Variants in LRRTM3 observed in about 807,000 individuals in gnomAD.
The protein encoded by LRRTM3 is leucine-rich repeat transmembrane neuronal protein 3.
In LRRTM3, 24 loss-of-function variants were observed where a neutral mutation model predicts 44.7. The observed-to-expected ratio is 0.54, with a 90% CI of 0.39 to 0.76. The LOEUF (loss-of-function observed/expected upper bound fraction) is 0.76. LRRTM3 is among the 30% of genes least tolerant of loss of function. The pLI, the probability that LRRTM3 is intolerant of heterozygous loss-of-function variation, is 0.00. For missense variants in LRRTM3, 587 were observed against 702.2 expected (o/e 0.84, Z 1.85); for synonymous variants, 277 against 278.7 (o/e 0.99, Z 0.06).
intron 2 of LRRTM3, among the ~76,000 whole-genome samples, chr10:66,930,370 A>G (rs1274629830): frequency 6.6e-6 from 1 of 152,196 alleles, no homozygotes; most frequent in Non-Finnish European, 1.5e-5. Context: ...AGCTTACTGG[A>G]TGACTGAGCT....
At chr10:67,089,635 C>T (rs1480056711) in intron 2 of LRRTM3, among the ~76,000 whole-genome samples, 1 of 151,590 alleles carries the variant, frequency 6.6e-6, no homozygotes, top group African/African-American at 2.4e-5. Flanking sequence ...AAAAAGATGG[C>T]TACCTCATTT....
chr10:66,996,779 A>T (rs1031533484), intron 2 of LRRTM3, among the ~76,000 whole-genome samples: 7 of 151,906 alleles, frequency 4.6e-5, no homozygotes, highest in Non-Finnish European at 1.0e-4. Context: ...TATGTGCAAA[A>T]ATATTATCTA....
chr10:67,000,295 G>A (rs1326470385), intron 2 of LRRTM3, among the ~76,000 whole-genome samples: 1 of 152,168 alleles, frequency 6.6e-6, no homozygotes, highest in East Asian at 1.9e-4. Context: ...AATAATTGGT[G>A]AGTGATTGAG....
intron 2 of LRRTM3, among the ~76,000 whole-genome samples, chr10:67,017,153 G>A (rs979840150): frequency 2.6e-4 from 39 of 152,166 alleles, no homozygotes; most frequent in African/African-American, 9.2e-4. Flanking sequence ...TTCATAGTAT[G>A]AAAATATGGG....
chr10:67,050,060 C>A (rs771313705), intron 2 of LRRTM3, among the ~76,000 whole-genome samples: 41 of 152,144 alleles, frequency 2.7e-4, no homozygotes, highest in Non-Finnish European at 5.0e-4. Flanking sequence ...GCTAGGCATG[C>A]ACAAATTTCA....
intron 2 of LRRTM3, among the ~76,000 whole-genome samples, chr10:67,025,376 A>T (rs1853308459): frequency 6.6e-6 from 1 of 151,910 alleles, no homozygotes; most frequent in Non-Finnish European, 1.5e-5. Context: ...GGTTTTGTAA[A>T]GGCCACATAT....
At chr10:66,974,473 T>C (rs955711731) in intron 2 of LRRTM3, among the ~76,000 whole-genome samples, 3 of 152,210 alleles carry the variant, frequency 2.0e-5, no homozygotes, top group African/African-American at 7.2e-5. Context: ...AACATTTATA[T>C]ACAAGTCATT....
intron 2 of LRRTM3, among the ~76,000 whole-genome samples, chr10:66,983,800 A>C (rs991666864): frequency 1.3e-5 from 2 of 152,242 alleles, no homozygotes; most frequent in East Asian, 1.9e-4. Flanking sequence ...TTTGCTGTTA[A>C]AATGTACTAC....
chr10:66,928,583 G>A (rs1847204926), intron 2 of LRRTM3, 131 bp downstream of exon 2: 2 of 810,542 alleles, frequency 2.5e-6, no homozygotes, highest in Non-Finnish European at 3.8e-6. Context: ...TTGCTGGCAA[G>A]ATCCTTCCTT....
rs1850438602 is a variant in LRRTM3 at position 66,981,467 on chromosome 10, T to C, written c.1536+53015T>C. ...TTACCCATCCCCATTTCCATTTCCATTTATTTTTTTTGGCACTTCAACCTC... is the reference window on the plus strand; with the variant it reads ...TTACCCATCCCCATTTCCATTTCCACTTATTTTTTTTGGCACTTCAACCTC... On this transcript the variant is annotated intron_variant, in intron 2 of 2. Coordinates refer to ENST00000361320, the MANE Select transcript of LRRTM3 (RefSeq NM_178011.5). Among the ~76,000 whole-genome samples the C allele has an allele frequency of 2.0e-5, 3 of 152,316 alleles. No individual in the cohort carries two copies. In the South Asian group the frequency reaches 6.2e-4, roughly 32 times the overall value.
At chr10:66,931,677 C>G (rs1299140560) in intron 2 of LRRTM3, among the ~76,000 whole-genome samples, 1 of 151,586 alleles carries the variant, frequency 6.6e-6, no homozygotes, top group Non-Finnish European at 1.5e-5. Flanking sequence ...TTATTTAATT[C>G]ATTTCCTTGG....
intron 2 of LRRTM3, among the ~76,000 whole-genome samples, chr10:67,034,768 A>G (rs533338449): frequency 6.6e-5 from 10 of 152,210 alleles, no homozygotes; most frequent in Non-Finnish European, 1.2e-4. Context: ...TTCATGTAAT[A>G]TTAAATACTG....
chr10:66,940,144 A>C (rs1847923100), intron 2 of LRRTM3, among the ~76,000 whole-genome samples: 1 of 152,154 alleles, frequency 6.6e-6, no homozygotes, highest in African/African-American at 2.4e-5. Context: ...CAGAGCGCAT[A>C]GTTTGAAAAG....
At chr10:67,051,091 C>A (rs527294461) in intron 2 of LRRTM3, among the ~76,000 whole-genome samples, 77 of 152,202 alleles carry the variant, frequency 5.1e-4, no homozygotes, top group Non-Finnish European at 7.5e-4. Flanking sequence ...ACAAATTAAC[C>A]AATAAAATAA....
chr10:67,096,578 G>A (rs1409141941), intron 2 of LRRTM3, among the ~76,000 whole-genome samples: 1 of 151,850 alleles, frequency 6.6e-6, no homozygotes, highest in Non-Finnish European at 1.5e-5. Context: ...CAGGACTGAA[G>A]GTTCCTGAAA....
intron 2 of LRRTM3, among the ~76,000 whole-genome samples, chr10:66,993,594 C>A (rs1851157790): frequency 6.6e-6 from 1 of 150,712 alleles, no homozygotes; most frequent in Non-Finnish European, 1.5e-5. Flanking sequence ...TGGTTCCATC[C>A]AAATTTTATA....
chr10:66,964,277 C>CTT (rs566704978), intron 2 of LRRTM3, among the ~76,000 whole-genome samples: 2 of 140,208 alleles, frequency 1.4e-5, no homozygotes, highest in Non-Finnish European at 1.6e-5. Flanking sequence ...AAGAGCAGGT[C>CTT]TTTTTTTTTT....
At chr10:67,097,530 TC>T in intron 2 of LRRTM3, 56 bp from the exon 3 acceptor site, 3 of 1,479,164 alleles carry the variant, frequency 2.0e-6, no homozygotes, top group Non-Finnish European at 2.8e-6. Context: ...TCTAAATCTT[TC>T]CCCTAAAGTT....
intron 2 of LRRTM3, among the ~76,000 whole-genome samples, chr10:67,011,803 G>A (rs58086991): frequency 0.016 from 2,471 of 152,192 alleles, 85 homozygotes; most frequent in African/African-American, 0.056. Context: ...AAGAGAAAAT[G>A]GAAGCAGAAC....
Sources: gnomAD v4.1 joint callset for allele counts (sites outside exome capture counted in the v4.1 genomes callset) on GRCh38, gnomAD v4.1.1 for gene constraint, MANE v1.5 for transcripts, NCBI Gene and HGNC (gene_info 2026-07-23, HGNC 2026-07-21) for gene names.